SLC23A2: variants seen among roughly 807,000 people sequenced by gnomAD.
SLC23A2 encodes the protein solute carrier family 23 member 2, also known as Na(+)/L-ascorbic acid transporter 2.
Under a neutral mutation model 73.3 loss-of-function variants are expected in SLC23A2, and 36 were observed. The observed-to-expected ratio is 0.49, with a 90% CI of 0.38 to 0.65. The LOEUF (loss-of-function observed/expected upper bound fraction) is 0.65, where lower values mean the gene tolerates loss of function less well. Ranked by LOEUF, SLC23A2 falls within the 30% of genes least tolerant of loss-of-function variation. The pLI is 0.00. For missense variants in SLC23A2, 507 were observed against 841.6 expected, an observed-to-expected ratio of 0.60 and a Z score of 4.92; for synonymous variants, 343 against 327.3, an observed-to-expected ratio of 1.05 and a Z score of -0.52.
intron 2 of SLC23A2, among the ~76,000 whole-genome samples, chr20:4,939,264 T>C (rs764369880): frequency 6.6e-6 from 1 of 152,170 alleles, no homozygotes; most frequent in Non-Finnish European, 1.5e-5. Context: ...TGTGGACTGA[T>C]AAATGATTTT....
rs576079410 is a variant in SLC23A2, at chr20:4,961,270, A to G, written c.-155+9523T>C. On this transcript the variant is annotated intron_variant, in intron 2 of 16. Coordinates refer to ENST00000338244, the MANE Select transcript of SLC23A2 (RefSeq NM_005116.6). ...CTAATTTTTTGTATTTTTAGTAGAG[A>G]CGGGGTTTCACCTTGTTAGCCAGGA... 2.6e-5 allele frequency among the ~76,000 whole-genome samples: 4 copies of G among 151,854 alleles called. No individual in the cohort carries two copies. In the South Asian group the frequency reaches 8.3e-4, roughly 32 times the overall value.
intron 6 of SLC23A2, among the ~76,000 whole-genome samples, chr20:4,893,074 T>TC (rs1269259463): frequency 6.6e-6 from 1 of 151,970 alleles, no homozygotes; most frequent in Non-Finnish European, 1.5e-5. Context: ...ACTTTACTTT[T>TC]TTTTTTTTTA....
chr20:4,983,368 T>C (rs113739757), intron 1 of SLC23A2, among the ~76,000 whole-genome samples: 2,903 of 151,740 alleles, frequency 0.019, 44 homozygotes, highest in African/African-American at 0.042. Flanking sequence ...ACAAGCAGGC[T>C]GGGCGCAGTG....
intron 6 of SLC23A2, among the ~76,000 whole-genome samples, chr20:4,895,510 G>A (rs1223906195): frequency 1.3e-5 from 2 of 152,152 alleles, no homozygotes; most frequent in Admixed American, 1.3e-4. Context: ...AGTATTTTAG[G>A]AAACATAATA....
At chr20:5,003,891 C>T (rs1194826493), upstream of SLC23A2, among the ~76,000 whole-genome samples, 1 of 152,136 alleles carries the variant, frequency 6.6e-6, no homozygotes, top group East Asian at 1.9e-4. Flanking sequence ...GGCTCTGTAA[C>T]AGTCCACTGA....
At position 4,862,628 on chromosome 20, in the gene SLC23A2, T is replaced by C. The variant is rs1351294970; in HGVS notation, c.1486+150A>G. The C allele has an allele frequency of 4.6e-6, 3 of 653,958 alleles. No individual in the cohort carries two copies. The highest frequency in any genetic ancestry group is 1.8e-5 in the African/African-American group (1 of 55,260). The allele number at this position is 653,958 out of a possible 1,614,324, so 40.5% of individuals were successfully genotyped here. Reference sequence around the variant, plus strand: ...AATATAAATTCAACTCAGAGAGTGATAAAAGTTTTCATTTTTTGAAGGCAT... The same window carrying C: ...AATATAAATTCAACTCAGAGAGTGACAAAAGTTTTCATTTTTTGAAGGCAT... On this transcript the variant is annotated intron_variant, in intron 14 of 16. Coordinates refer to ENST00000338244, the MANE Select transcript of SLC23A2 (RefSeq NM_005116.6). This position sits in a 1 kb window ranked among gnomAD's most constrained non-coding sequence, Gnocchi z 5.1.
chr20:4,996,416 G>A (rs990924281), intron 1 of SLC23A2, among the ~76,000 whole-genome samples: 4 of 151,922 alleles, frequency 2.6e-5, no homozygotes, highest in African/African-American at 9.7e-5. Context: ...GGCCAGGCAC[G>A]GTGGCTCATG....
chr20:5,003,958 A>G (rs916051498), upstream of SLC23A2, among the ~76,000 whole-genome samples: 3 of 152,052 alleles, frequency 2.0e-5, no homozygotes, highest in South Asian at 6.2e-4. Flanking sequence ...CTAACTATCC[A>G]TACACCCCCC....
chr20:4,983,382 C>T (rs192349076), intron 1 of SLC23A2, among the ~76,000 whole-genome samples: 1 of 152,180 alleles, frequency 6.6e-6, no homozygotes, highest in Admixed American at 6.5e-5. Context: ...CGCAGTGGCT[C>T]ACGCCTGTAA....
chr20:4,862,703 G>T lies in SLC23A2; in HGVS notation c.1486+75C>A. On this transcript the variant is annotated intron_variant, in intron 14 of 16. Coordinates refer to ENST00000338244, the MANE Select transcript of SLC23A2 (RefSeq NM_005116.6). This position sits in a 1 kb window ranked among gnomAD's most constrained non-coding sequence, Gnocchi z 5.1. ...TTTATCGTTACCTTCTTACTGAAGG[G>T]AGTCAGCAAAAACACCATGACCCCT... 7.6e-7 allele frequency: 1 copy of T among 1,315,802 alleles called. No individual in the cohort carries two copies. The highest frequency in any genetic ancestry group is 1.1e-6 in the Non-Finnish European group (1 of 941,502). 81.5% of individuals were successfully genotyped at this position (1,315,802 alleles called of 1,614,324 possible).
intron 1 of SLC23A2, among the ~76,000 whole-genome samples, chr20:4,988,604 C>T (rs1341578069): frequency 6.6e-6 from 1 of 150,816 alleles, no homozygotes; most frequent in Non-Finnish European, 1.5e-5. Context: ...GGCATGGTGG[C>T]ACACACCTGT....
At chr20:4,877,034 G>A (rs1006952973) in intron 9 of SLC23A2, among the ~76,000 whole-genome samples, 3 of 151,684 alleles carry the variant, frequency 2.0e-5, no homozygotes, top group Non-Finnish European at 2.9e-5. Flanking sequence ...ACGGGGGAGG[G>A]ATAGCATTAG....
chr20:4,882,716 A>G (rs965752409), intron 9 of SLC23A2, among the ~76,000 whole-genome samples: 1 of 152,182 alleles, frequency 6.6e-6, no homozygotes, highest in African/African-American at 2.4e-5. Flanking sequence ...TAACACTAGG[A>G]TGTGCCTTAT....
At chr20:4,918,916 C>A (rs1314516457) in intron 3 of SLC23A2, among the ~76,000 whole-genome samples, 1 of 152,154 alleles carries the variant, frequency 6.6e-6, no homozygotes, top group African/African-American at 2.4e-5. Flanking sequence ...ATTAATCCCC[C>A]TCCTCAATGT....
chr20:4,991,174 C>G (rs1678861544), intron 1 of SLC23A2, among the ~76,000 whole-genome samples: 2 of 151,988 alleles, frequency 1.3e-5, no homozygotes, highest in Admixed American at 1.3e-4. Flanking sequence ...GTGGCACCAT[C>G]ACAACTCACT....
chr20:5,005,241 T>A (rs560233221), upstream of SLC23A2, among the ~76,000 whole-genome samples: 16 of 152,174 alleles, frequency 1.1e-4, no homozygotes, highest in South Asian at 3.3e-3. Flanking sequence ...GCTTATTCAG[T>A]GCATGAATAT....
At chr20:4,984,743 G>A (rs1449438084) in intron 1 of SLC23A2, among the ~76,000 whole-genome samples, 1 of 152,090 alleles carries the variant, frequency 6.6e-6, no homozygotes, top group African/African-American at 2.4e-5. Flanking sequence ...ATCAAAAAAA[G>A]CAGCAATAAC....
Position 4,883,039 on chromosome 20 carries a change from C to T in SLC23A2, c.824+603G>A, listed in dbSNP as rs1930955133. ...TCAAACTCCCCTGTGACTTCATTAA[C>T]ACAAAATGTTAACTTTACTTAAAGG... On this transcript the variant is annotated intron_variant, in intron 9 of 16. Coordinates refer to ENST00000338244, the MANE Select transcript of SLC23A2 (RefSeq NM_005116.6). The surrounding 1 kb of genome is among the most constrained non-coding windows in gnomAD (Gnocchi z 4.5). Among the ~76,000 whole-genome samples, 1 of 151,736 alleles carries T rather than the reference C, an allele frequency of 6.6e-6. No homozygotes were observed. The highest frequency in any genetic ancestry group is 1.5e-5 in the Non-Finnish European group (1 of 68,030).
chr20:4,976,633 G>A (rs950814834), intron 1 of SLC23A2, among the ~76,000 whole-genome samples: 1 of 150,884 alleles, frequency 6.6e-6, no homozygotes, highest in African/African-American at 2.4e-5. Context: ...CGAGATCATG[G>A]CATTGCACTC....
Sources: allele counts gnomAD v4.1 joint callset (sites outside exome capture counted in the v4.1 genomes callset), GRCh38; gene constraint gnomAD v4.1.1; non-coding constraint Gnocchi (gnomAD v3.1); transcripts MANE v1.5; gene names NCBI Gene and HGNC (gene_info 2026-07-23, HGNC 2026-07-21).